TAOK3: variants seen among roughly 807,000 people sequenced by gnomAD.
TAOK3 encodes serine/threonine-protein kinase TAO3.
Under a neutral mutation model 120.4 loss-of-function variants are expected in TAOK3, and 40 were observed. That is an observed-to-expected ratio of 0.33 (90% CI 0.26 to 0.43). The LOEUF (loss-of-function observed/expected upper bound fraction) is 0.43, where lower values mean the gene tolerates loss of function less well. TAOK3 is among the 20% of genes least tolerant of loss of function. The pLI, the probability that TAOK3 is intolerant of heterozygous loss-of-function variation, is 1.00. For missense variants in TAOK3, 821 were observed against 1,112.1 expected (o/e 0.74, Z 3.72); for synonymous variants, 355 against 387.5 (o/e 0.92, Z 0.99).
At chr12:118,162,102 G>A (rs1469121154) in intron 17 of TAOK3, 75 bp from the exon 18 acceptor site, 2 of 1,564,714 alleles carry the variant, frequency 1.3e-6, no homozygotes, top group African/African-American at 2.7e-5. Context: ...ACTAAGTGAG[G>A]GAGGGCAAGG....
At chr12:118,301,381 A>G (rs2042874980) in intron 1 of TAOK3, among the ~76,000 whole-genome samples, 1 of 152,190 alleles carries the variant, frequency 6.6e-6, no homozygotes, top group South Asian at 2.1e-4. Flanking sequence ...CTTGATAATA[A>G]AAGTTTGCTT....
At chr12:118,315,360 A>G (rs901416064) in intron 1 of TAOK3, among the ~76,000 whole-genome samples, 1 of 152,270 alleles carries the variant, frequency 6.6e-6, no homozygotes, top group Non-Finnish European at 1.5e-5. Context: ...ATTTATCAAT[A>G]TAGACACATT....
At chr12:118,193,194 C>G (rs780269280) in intron 13 of TAOK3, among the ~76,000 whole-genome samples, 3 of 151,424 alleles carry the variant, frequency 2.0e-5, no homozygotes, top group Admixed American at 6.6e-5. Flanking sequence ...ACTACAGGTG[C>G]GTACCACCAT....
intron 5 of TAOK3, among the ~76,000 whole-genome samples, chr12:118,240,929 G>A (rs1002720416): frequency 6.6e-6 from 1 of 150,716 alleles, no homozygotes; most frequent in African/African-American, 2.4e-5. Flanking sequence ...AATATGTGAT[G>A]TCTAGAAGTT....
chr12:118,293,422 T>C (rs1049163546), intron 1 of TAOK3, among the ~76,000 whole-genome samples: 5 of 152,184 alleles, frequency 3.3e-5, no homozygotes, highest in African/African-American at 1.2e-4. Context: ...CTCACGCCTG[T>C]AATCCCAGCA....
chr12:118,233,611 G>A (rs2039884260), intron 9 of TAOK3, 63 bp downstream of exon 9: 2 of 1,254,838 alleles, frequency 1.6e-6, no homozygotes, highest in Non-Finnish European at 2.3e-6. Context: ...AAAATACAAT[G>A]AAAATTCATC....
intron 3 of TAOK3, among the ~76,000 whole-genome samples, chr12:118,245,521 T>G (rs1364659564): frequency 1.3e-5 from 2 of 151,976 alleles, no homozygotes; most frequent in African/African-American, 4.8e-5. Flanking sequence ...TTTCACCATT[T>G]TGGCCAGGCT....
intron 16 of TAOK3, among the ~76,000 whole-genome samples, chr12:118,174,664 T>C (rs1285896149): frequency 6.6e-6 from 1 of 152,086 alleles, no homozygotes; most frequent in Admixed American, 6.6e-5. Flanking sequence ...ATTTATTTTA[T>C]TTTACGATTT....
At chr12:118,312,043 C>T (rs546995004) in intron 1 of TAOK3, among the ~76,000 whole-genome samples, 1 of 152,038 alleles carries the variant, frequency 6.6e-6, no homozygotes, top group Non-Finnish European at 1.5e-5. Context: ...AACAACAGCA[C>T]CTTGAATAAA....
intron 1 of TAOK3, among the ~76,000 whole-genome samples, chr12:118,302,625 A>G (rs918390796): frequency 6.6e-6 from 1 of 152,214 alleles, no homozygotes; most frequent in Non-Finnish European, 1.5e-5. Context: ...ATTGTGGCAA[A>G]GCAAAAAATA....
chr12:118,294,519 G>T (rs1218250267), intron 1 of TAOK3, among the ~76,000 whole-genome samples: 1 of 151,958 alleles, frequency 6.6e-6, no homozygotes, highest in Non-Finnish European at 1.5e-5. Context: ...TAGTTGCTCG[G>T]ACTACAGGTG....
At position 118,189,940 on chromosome 12, in the gene TAOK3, T is replaced by C. The variant is rs980841214; in HGVS notation, c.1196A>G (p.Asp399Gly). Residue 399 changes from aspartate (D) to glycine (G), a missense_variant and splice_region_variant, in exon 14 of 21, where the codon GAT becomes GGT. Around this residue, in one of 2 missense-constraint regions of TAOK3, gnomAD observed 467 missense variants for 540.0 expected, o/e 0.86. Coordinates refer to ENST00000392533, the MANE Select transcript of TAOK3 (RefSeq NM_016281.4). ...CGCCTCATCCCTTATGAATACATGA[T>C]CCTGCAGAAATGGATAAAAACAAGG... The part of the protein sequence containing the change: ...NSSSSVVHKK[D>G]HVFIRDEAGH... 2 of 1,613,974 alleles carry C rather than the reference T, an allele frequency of 1.2e-6. No individual in the cohort carries two copies. Among genetic ancestry groups the C allele is most frequent in the South Asian group, 2.2e-5 (2 of 91,080 alleles).
In TAOK3 at chr12:118,161,930, G is replaced by A. The variant is rs373274877; in HGVS notation, c.1997C>T (p.Thr666Met). ...TRELEYRQLH[T>M]LQKLRMDLIR... ...CAGATCCATGCGTAGCTTCTGTAAC[G>A]TGTGCAGCTGCCTGTACTCTAGCTC... is the stretch of plus-strand genomic sequence containing the variant. Residue 666 changes from threonine to methionine, a missense_variant, in exon 18 of 21, where the codon ACG becomes ATG. Around this residue, in one of 2 missense-constraint regions of TAOK3, gnomAD observed 354 missense variants for 572.1 expected, o/e 0.62. Transcript: ENST00000392533. The surrounding 1 kb of genome is among the most constrained non-coding windows in gnomAD (Gnocchi z 4.5). The A allele has an allele frequency of 1.1e-5, 17 of 1,613,830 alleles. No homozygotes were observed. Among genetic ancestry groups the A allele is most frequent in the African/African-American group, 4.0e-5 (3 of 74,814 alleles).
chr12:118,335,493 A>G (rs560194747), intron 1 of TAOK3, among the ~76,000 whole-genome samples: 232 of 152,300 alleles, frequency 1.5e-3, no homozygotes, highest in Admixed American at 3.9e-3. Context: ...AGAATTTCCC[A>G]AGCCCAGCTG....
chr12:118,226,589 C>T (rs2039520645), intron 9 of TAOK3, among the ~76,000 whole-genome samples: 1 of 151,086 alleles, frequency 6.6e-6, no homozygotes, highest in Non-Finnish European at 1.5e-5. Flanking sequence ...AGTCAGACAA[C>T]TACAAAATGG....
intron 1 of TAOK3, among the ~76,000 whole-genome samples, chr12:118,290,449 T>C (rs769262765): frequency 3.9e-5 from 6 of 152,208 alleles, no homozygotes; most frequent in Non-Finnish European, 7.3e-5. Context: ...GGGTAGGTTT[T>C]TTTCCTTTAT....
intron 1 of TAOK3, among the ~76,000 whole-genome samples, chr12:118,285,554 T>C (rs908587629): frequency 1.4e-4 from 22 of 152,000 alleles, no homozygotes; most frequent in Non-Finnish European, 2.9e-4. Flanking sequence ...GTTTTCACCA[T>C]GTTGGCCAGG....
In TAOK3 at chr12:118,150,773, C is replaced by T. The variant is rs534650123; in HGVS notation, c.*224G>A. On this transcript the variant is annotated 3_prime_UTR_variant, in exon 21 of 21. Coordinates refer to ENST00000392533, the MANE Select transcript of TAOK3 (RefSeq NM_016281.4). ...TGACGTGTACTGTGAATAGAAGAGA[C>T]GGCCAGGTTTTGGCCAGCACTGAAA... The T allele has an allele frequency of 1.3e-4, 70 of 533,970 alleles. No homozygotes were observed. Among genetic ancestry groups the T allele is most frequent in the South Asian group, 1.0e-3 (39 of 37,716 alleles). The allele number at this position is 533,970 out of a possible 1,614,324, so 33.1% of individuals were successfully genotyped here.
chr12:118,178,140 C>A (rs1213129487), intron 15 of TAOK3, among the ~76,000 whole-genome samples: 1 of 152,156 alleles, frequency 6.6e-6, no homozygotes, highest in Non-Finnish European at 1.5e-5. Flanking sequence ...ATCGTAGAGA[C>A]TGGGTCCCAC....
Sources: allele counts gnomAD v4.1 joint callset (sites outside exome capture counted in the v4.1 genomes callset), GRCh38; gene constraint gnomAD v4.1.1; regional missense constraint gnomAD v4.1.1; non-coding constraint Gnocchi (gnomAD v3.1); transcripts MANE v1.5; gene names NCBI Gene and HGNC (gene_info 2026-07-23, HGNC 2026-07-21).